The following C1orf87 variants were observed in gnomAD, a reference collection of about 807,000 sequenced individuals.
The protein encoded by C1orf87 is chromosome 1 open reading frame 87.
Under a neutral mutation model 60.5 loss-of-function variants are expected in C1orf87, and 58 were observed. The ratio of observed to expected loss-of-function variants is 0.96; its 90% CI spans 0.78 to 1.19. The LOEUF (loss-of-function observed/expected upper bound fraction) is 1.19, where lower values mean the gene tolerates loss of function less well. Among genes scored for constraint, C1orf87 ranks in the 50% most tolerant of loss-of-function variants. C1orf87 has a pLI of 0.00. For missense variants in C1orf87, 673 were observed against 638.6 expected (o/e 1.05, Z -0.58); for synonymous variants, 236 against 227.4 (o/e 1.04, Z -0.34).
At chr1:60,022,006 G>T (rs1645166846) in intron 8 of C1orf87, among the ~76,000 whole-genome samples, 1 of 151,804 alleles carries the variant, frequency 6.6e-6, no homozygotes, top group Non-Finnish European at 1.5e-5. Flanking sequence ...TGCATGGTGT[G>T]TTTGAGGAAG....
Position 60,001,066 on chromosome 1 carries a change from C to G in C1orf87, c.1272+11G>C. ...ACCTTCCCCCAAACTCTATATACCC[C>G]AGGTGCATACCATATGTTCAGTTTT... On this transcript the variant is annotated intron_variant, in intron 10 of 11. Coordinates refer to ENST00000371201, the MANE Select transcript of C1orf87 (RefSeq NM_152377.3). 1.6e-5 allele frequency: 25 copies of G among 1,603,504 alleles called. No homozygotes were observed. Among genetic ancestry groups the G allele is most frequent in the Non-Finnish European group, 2.1e-5 (25 of 1,171,986 alleles).
chr1:60,027,617 G>T (rs1449726337), intron 7 of C1orf87, among the ~76,000 whole-genome samples: 1 of 152,074 alleles, frequency 6.6e-6, no homozygotes, highest in Non-Finnish European at 1.5e-5. Flanking sequence ...ACAACAAAAA[G>T]CTCATCTTCG....
chr1:59,999,183 G>C (rs973155641), intron 10 of C1orf87, among the ~76,000 whole-genome samples: 4 of 152,154 alleles, frequency 2.6e-5, no homozygotes, highest in Admixed American at 6.5e-5. Context: ...CATGGATTAA[G>C]TTGCTGCTGG....
intron 9 of C1orf87, among the ~76,000 whole-genome samples, chr1:60,006,447 G>A (rs1465001487): frequency 6.6e-6 from 1 of 151,982 alleles, no homozygotes; most frequent in Admixed American, 6.6e-5. Context: ...TTAGTAAAAG[G>A]GAGGCCAAGC....
chr1:59,990,926 A>G, intron 11 of C1orf87, 93 bp from the exon 12 acceptor site: 1 of 1,281,078 alleles, frequency 7.8e-7, no homozygotes, highest in East Asian at 2.3e-5. Flanking sequence ...TTCCAGGTAA[A>G]GACTAAATGC....
intron 7 of C1orf87, 116 bp downstream of exon 7, chr1:60,033,360 C>G (rs1645252634): frequency 3.2e-6 from 3 of 940,740 alleles, no homozygotes; most frequent in Non-Finnish European, 3.1e-6. Context: ...AAACAAACAA[C>G]TGTGTAATGT....
rs1163401962 is a variant in C1orf87 at position 59,990,708 on chromosome 1, A to G, written c.1606T>C (p.Leu536=). 6.2e-7 allele frequency: 1 copy of G among 1,614,082 alleles called. No homozygotes were observed. The highest frequency in any genetic ancestry group is 1.7e-4 in the Middle Eastern group (1 of 6,052). The change falls in exon 12 of 12, where the codon TTG becomes CTG. Residue 536 remains leucine (L), a synonymous_variant. Coordinates refer to ENST00000371201, the MANE Select transcript of C1orf87 (RefSeq NM_152377.3). ...TTTAAGTACCGCAGTGCTGGCTCCA[A>G]GAGCATATTTTCTCCCGAACGGAAT... The part of the protein sequence containing the change: ...RRFRSGENML[L]EPALRYLKEL
At chr1:59,995,709 A>G (rs1644959057) in intron 11 of C1orf87, among the ~76,000 whole-genome samples, 1 of 151,570 alleles carries the variant, frequency 6.6e-6, no homozygotes, top group Non-Finnish European at 1.5e-5. Context: ...TTTCCTTTTG[A>G]CTCTTGAACT....
intron 7 of C1orf87, among the ~76,000 whole-genome samples, chr1:60,031,523 T>C (rs900946252): frequency 1.3e-5 from 2 of 152,196 alleles, no homozygotes; most frequent in Admixed American, 6.5e-5. Flanking sequence ...AGATTCTCCT[T>C]TCTTAGGCTG....
At position 60,055,356 on chromosome 1, in the gene C1orf87, C is replaced by T. The variant is rs538093022; in HGVS notation, c.190G>A (p.Asp64Asn). 5.0e-6 allele frequency: 8 copies of T among 1,614,144 alleles called. No individual in the cohort carries two copies. Among genetic ancestry groups the T allele is most frequent in the Non-Finnish European group, 6.8e-6 (8 of 1,180,020 alleles). Residue 64 changes from aspartate (D) to asparagine (N), a missense_variant, in exon 3 of 12, where the codon GAC becomes AAC. By Grantham distance (23) the Asp-to-Asn change is conservative (BLOSUM62 1). Coordinates refer to ENST00000371201, the MANE Select transcript of C1orf87 (RefSeq NM_152377.3). Reference sequence around the variant, plus strand: ...GTGAAGTTAATGGGAACTGGGGTGTCTCTGCTCATCTGCCTTGCATTATCA... The same window carrying T: ...GTGAAGTTAATGGGAACTGGGGTGTTTCTGCTCATCTGCCTTGCATTATCA... ...MTDNARQMSR[D>N]TPVPINFTDQ...
intron 2 of C1orf87, among the ~76,000 whole-genome samples, chr1:60,065,331 G>C (rs1000283306): frequency 2.6e-5 from 4 of 151,670 alleles, no homozygotes; most frequent in African/African-American, 9.7e-5. Context: ...AAATCTGGTA[G>C]AGCCATACGC....
chr1:60,043,017 G>A (rs1160368075), intron 3 of C1orf87, among the ~76,000 whole-genome samples: 1 of 152,214 alleles, frequency 6.6e-6, no homozygotes, highest in Non-Finnish European at 1.5e-5. Flanking sequence ...AGGCTAACAA[G>A]TGGAGAGGGA....
chr1:60,052,272 A>C (rs1266304258), intron 3 of C1orf87, among the ~76,000 whole-genome samples: 1 of 152,248 alleles, frequency 6.6e-6, no homozygotes, highest in Non-Finnish European at 1.5e-5. Context: ...CTAGTCACAC[A>C]TTCTTTTTTA....
chr1:60,010,408 T>A lies in C1orf87; in HGVS notation c.1176A>T (p.Leu392Phe). The A allele has an allele frequency of 6.2e-7, 1 of 1,612,384 alleles. No individual in the cohort carries two copies. The highest frequency in any genetic ancestry group is 2.2e-5 in the East Asian group (1 of 44,804). Reference sequence around the variant, plus strand: ...GGAACTCACCTGTAGGCAAATCAGATAACAAATCAGAAGAAGCTCTGGTCA... The same window carrying A: ...GGAACTCACCTGTAGGCAAATCAGAAAACAAATCAGAAGAAGCTCTGGTCA... ...EMLTRASSDL[L>F]SDLPTGKNEK... Residue 392 changes from leucine to phenylalanine, a missense_variant, in exon 9 of 12, where the codon TTA becomes TTT. Leu to Phe is a conservative substitution (Grantham distance 22, BLOSUM62 0). Coordinates refer to ENST00000371201, the MANE Select transcript of C1orf87 (RefSeq NM_152377.3).
intron 2 of C1orf87, among the ~76,000 whole-genome samples, chr1:60,056,372 T>G (rs1444107719): frequency 6.6e-6 from 1 of 152,114 alleles, no homozygotes; most frequent in Non-Finnish European, 1.5e-5. Flanking sequence ...AAGCTGAAAC[T>G]CTGACATTGT....
intron 8 of C1orf87, among the ~76,000 whole-genome samples, chr1:60,013,395 C>T (rs1645103081): frequency 6.6e-6 from 1 of 152,004 alleles, no homozygotes; most frequent in East Asian, 1.9e-4. Flanking sequence ...CTTAATTCTG[C>T]TATGAAAGTT....
intron 2 of C1orf87, among the ~76,000 whole-genome samples, chr1:60,068,229 G>T (rs923182412): frequency 6.6e-6 from 1 of 152,114 alleles, no homozygotes; most frequent in Admixed American, 6.6e-5. Flanking sequence ...CTCATGCTAA[G>T]CTCAAACACA....
intron 11 of C1orf87, among the ~76,000 whole-genome samples, chr1:59,992,212 T>G (rs1201913856): frequency 6.6e-6 from 1 of 150,404 alleles, no homozygotes; most frequent in Non-Finnish European, 1.5e-5. Context: ...AGAGATTGCT[T>G]CAAGTAGGGG....
chr1:60,040,988 C>T lies in C1orf87; in HGVS notation c.483+3G>A, dbSNP rs774913557. ...ACAACTCAACAACTCTTAGTATACACACCTCAGGTTGGTCAGAGCTGCCTC... is the reference window on the plus strand; with the variant it reads ...ACAACTCAACAACTCTTAGTATACATACCTCAGGTTGGTCAGAGCTGCCTC... On this transcript the variant is annotated splice_donor_region_variant and intron_variant, in intron 4 of 11. Coordinates refer to ENST00000371201, the MANE Select transcript of C1orf87 (RefSeq NM_152377.3). 1.9e-6 allele frequency: 3 copies of T among 1,601,608 alleles called. No homozygotes were observed. The highest frequency in any genetic ancestry group is 2.7e-5 in the African/African-American group (2 of 74,520).
Sources: gnomAD v4.1 joint callset for allele counts (sites outside exome capture counted in the v4.1 genomes callset) on GRCh38, gnomAD v4.1.1 for gene constraint, MANE v1.5 for transcripts, NCBI Gene and HGNC (gene_info 2026-07-23, HGNC 2026-07-21) for gene names.